VWF: variants seen among roughly 807,000 people sequenced by gnomAD.
VWF encodes the protein von Willebrand factor, also known as Factor VIII related antigen.
Under a neutral mutation model 308.6 loss-of-function variants are expected in VWF, and 176 were observed. That is an observed-to-expected ratio of 0.57 (90% CI 0.50 to 0.65). The LOEUF is 0.65. Among genes scored for constraint, VWF ranks in the 30% least tolerant of loss-of-function variants. The pLI is 0.00. For synonymous variants in VWF, 1,385 were observed against 1,443.4 expected (o/e 0.96, Z 0.92); for missense variants, 3,146 against 3,648.2 (o/e 0.86, Z 3.55).
intron 34 of VWF, among the ~76,000 whole-genome samples, chr12:6,010,912 G>T (rs1943986077): frequency 6.6e-6 from 1 of 151,984 alleles, no homozygotes; most frequent in African/African-American, 2.4e-5. Context: ...AATTCTTTAT[G>T]AATAAACAGA....
At chr12:6,124,387 A>C (rs964035884) in intron 1 of VWF, 34 bp downstream of exon 1, 48 of 152,240 alleles carry the variant, frequency 3.2e-4, no homozygotes, top group African/African-American at 1.2e-3. Context: ...TCTTCCTCCC[A>C]CAACTGAGCC....
chr12:6,006,356 A>G (rs913528831), intron 34 of VWF, among the ~76,000 whole-genome samples: 2 of 152,242 alleles, frequency 1.3e-5, no homozygotes, highest in Non-Finnish European at 2.9e-5. Flanking sequence ...CAAAAAAGCT[A>G]CAAGACTGAC....
chr12:6,068,815 TCC>T lies in VWF; in HGVS notation c.1156+2480_1156+2481del, dbSNP rs372746246. On this transcript the variant is annotated intron_variant, in intron 10 of 51. Coordinates refer to ENST00000261405, the MANE Select transcript of VWF (RefSeq NM_000552.5). ...AAGATGCATTTTTTTTTCTTTTTCTTCCTTTTTTTTTTTTTTTTGCGTGTGTG... is the reference window on the plus strand; with the variant it reads ...AAGATGCATTTTTTTTTCTTTTTCTTTTTTTTTTTTTTTTTTGCGTGTGTG... Among the ~76,000 whole-genome samples the T allele has an allele frequency of 1.1e-3, 143 of 134,910 alleles. 1 individual carries two copies. The highest frequency in any genetic ancestry group is 4.3e-3 in the African/African-American group (131 of 30,346). The allele number at this position is 134,910 out of a possible 152,430, so 88.5% of individuals were successfully genotyped here.
chr12:6,040,271 T>C (rs763282696), intron 18 of VWF, among the ~76,000 whole-genome samples: 17 of 152,092 alleles, frequency 1.1e-4, no homozygotes, highest in Admixed American at 2.6e-4. Context: ...GCTCCAAGAA[T>C]TTCTGAACTA....
rs1944110702 is a variant in VWF, at chr12:6,019,806, T to C, written c.3675-63A>G. 1 of 1,524,610 alleles carries C rather than the reference T, an allele frequency of 6.6e-7. No homozygotes were observed. Among genetic ancestry groups the C allele is most frequent in the African/African-American group, 1.4e-5 (1 of 73,268 alleles). 94.4% of individuals were successfully genotyped at this position (1,524,610 alleles called of 1,614,324 possible). A position where few individuals can be genotyped will look rare whatever the true frequency, so the allele number is the denominator to read the frequency against. On this transcript the variant is annotated intron_variant, in intron 27 of 51. Transcript: ENST00000261405. The surrounding 1 kb of genome is among the most constrained non-coding windows in gnomAD (Gnocchi z 5.8). The stretch of plus-strand genomic sequence containing the variant: ...AGAACCTGTGGACACTTCTGAGCCC[T>C]ACAGTGTACAATGACTTCCATATTC...
chr12:6,044,695 T>C (rs181488826), intron 17 of VWF, among the ~76,000 whole-genome samples: 1 of 152,332 alleles, frequency 6.6e-6, no homozygotes, highest in Non-Finnish European at 1.5e-5. Flanking sequence ...TCTCATCTAA[T>C]GTCCCATACT....
intron 20 of VWF, among the ~76,000 whole-genome samples, chr12:6,033,448 C>T (rs1311042619): frequency 6.6e-6 from 1 of 152,238 alleles, no homozygotes; most frequent in Non-Finnish European, 1.5e-5. Context: ...TGCTGACCAG[C>T]TGTCTGGTCC....
Position 5,952,518 on chromosome 12 carries a change from C to T in VWF, c.7988G>A (p.Arg2663His), listed in dbSNP as rs149834874. The change falls in exon 49 of 52, where the codon CGT becomes CAT. Residue 2663 changes from arginine to histidine, a missense_variant and splice_region_variant. Physicochemically the swap from Arg to His is conservative, Grantham distance 29. Coordinates refer to ENST00000261405, the MANE Select transcript of VWF (RefSeq NM_000552.5). ...LRGGQIMTLK[R>H]DETLQDGCDT... ...ACAGCCATCCTGGAGCGTCTCATCA[C>T]GCTGGAAGGAAAGAGGAGTGGGTAA... is the stretch of plus-strand genomic sequence containing the variant. 30 of 1,613,500 alleles carry T rather than the reference C, an allele frequency of 1.9e-5. No homozygotes were observed. Among genetic ancestry groups the T allele is most frequent in the African/African-American group, 2.7e-5 (2 of 74,894 alleles).
At chr12:6,029,167 T>C (rs1010847916) in intron 22 of VWF, among the ~76,000 whole-genome samples, 175 bp downstream of exon 22, 1 of 151,534 alleles carries the variant, frequency 6.6e-6, no homozygotes, top group African/African-American at 2.4e-5. Context: ...AGAAGGCCAT[T>C]ACATAATGGT....
rs764001779 is a variant in VWF at position 6,011,641 on chromosome 12, A to G, written c.5818T>C (p.Cys1940Arg). 19 of 1,612,042 alleles carry G rather than the reference A, an allele frequency of 1.2e-5. No individual in the cohort carries two copies. The highest frequency in any genetic ancestry group is 1.6e-5 in the Non-Finnish European group (19 of 1,179,458). ...CAGGGGCAGGTCCAGCGGCAGCCACAGGTCTCTTCCACTTTAACAGGGGAC... is the reference window on the plus strand; with the variant it reads ...CAGGGGCAGGTCCAGCGGCAGCCACGGGTCTCTTCCACTTTAACAGGGGAC... ...SQSPVKVEET[C>R]GCRWTCPCVC... Residue 1940 changes from cysteine to arginine, a missense_variant, in exon 34 of 52, where the codon TGT becomes CGT. Around this residue, in one of 3 missense-constraint regions of VWF, gnomAD observed 853 missense variants for 1,177.8 expected, o/e 0.72. Transcript: ENST00000261405.
chr12:5,985,806 A>T, intron 38 of VWF, 141 bp from the exon 39 acceptor site: 1 of 797,436 alleles, frequency 1.3e-6, no homozygotes, highest in South Asian at 1.5e-5. Flanking sequence ...GGCAAACAAA[A>T]GCAGGCTGAA....
chr12:6,052,586 T>G lies in VWF; in HGVS notation c.2143A>C (p.Ile715Leu). Residue 715 changes from isoleucine (I) to leucine (L), a missense_variant, in exon 16 of 52, where the codon ATC becomes CTC. Around this residue, in one of 3 missense-constraint regions of VWF, gnomAD observed 1,304 missense variants for 1,353.0 expected, o/e 0.96. Coordinates refer to ENST00000261405, the MANE Select transcript of VWF (RefSeq NM_000552.5). ...GAGAAGATGTCTTCTGGCTGGAAGA[T>G]CTCACCGTCATAGTAACAGGGGCAC... ...AQCPCYYDGE[I>L]FQPEDIFSDH... 2.5e-6 allele frequency: 4 copies of G among 1,614,226 alleles called. No homozygotes were observed. The highest frequency in any genetic ancestry group is 3.4e-6 in the Non-Finnish European group (4 of 1,180,046).
At chr12:6,042,027 T>C (rs1198314461) in intron 18 of VWF, among the ~76,000 whole-genome samples, 1 of 152,180 alleles carries the variant, frequency 6.6e-6, no homozygotes, top group Admixed American at 6.5e-5. Flanking sequence ...ACACATCTCC[T>C]TGGGGCCCAC....
Position 5,981,975 on chromosome 12 carries a change from C to T in VWF, c.7098G>A (p.Glu2366=). 1 of 1,613,724 alleles carries T rather than the reference C, an allele frequency of 6.2e-7. No individual in the cohort carries two copies. ...AGGAGGGTGGGGACACTCTTTTGCA[C>T]TCCTCCTTCCTGCAGGCTGAGGGTA... ...PNFTCACRKE[E]CKRVSPPSCP... is the part of the protein sequence containing the mutation. The change falls in exon 42 of 52, where the codon GAG becomes GAA. Residue 2366 remains glutamate (E), a synonymous_variant. Transcript: ENST00000261405.
chr12:6,027,380 G>T (rs1051727561), intron 22 of VWF, among the ~76,000 whole-genome samples: 2 of 152,134 alleles, frequency 1.3e-5, no homozygotes, highest in African/African-American at 2.4e-5. Flanking sequence ...TCTTCACAGG[G>T]CTCATCAGCC....
chr12:6,112,416 G>A (rs1217552869), intron 3 of VWF, among the ~76,000 whole-genome samples: 5 of 152,138 alleles, frequency 3.3e-5, no homozygotes, highest in Admixed American at 2.6e-4. Context: ...GACCCAGAAG[G>A]GAAAATAGAG....
Position 5,996,163 on chromosome 12 carries a change from G to A in VWF, c.5902C>T (p.Leu1968=), listed in dbSNP as rs1257457258. ...AGGACATAAGAACAGCTGCCAGTCA[G>A]CTTGAAATTCTGCCCATCAAAGGTC... ...IVTFDGQNFK[L]TGSCSYVLFQ... The change falls in exon 35 of 52, where the codon CTG becomes TTG. Residue 1968 remains leucine, a synonymous_variant. Transcript: ENST00000261405. 6.2e-7 allele frequency: 1 copy of A among 1,614,074 alleles called. No homozygotes were observed. Among genetic ancestry groups the A allele is most frequent in the East Asian group, 2.2e-5 (1 of 44,880 alleles).
In VWF at chr12:5,980,119, GAAGGAAGGAAGGAAGGAAGA is replaced by G. The variant is rs1213644740; in HGVS notation, c.7287+1647_7287+1666del. ...GGAAGGAAGGAAGGAAGGAAGGAAGGAAGGAAGGAAGGAAGGAAGAAAGGAGTGAGGGAGGGAGTGAGGGA... is the reference window on the plus strand; with the variant it reads ...GGAAGGAAGGAAGGAAGGAAGGAAGGAAGGAGTGAGGGAGGGAGTGAGGGA... On this transcript the variant is annotated intron_variant, in intron 42 of 51. Coordinates refer to ENST00000261405, the MANE Select transcript of VWF (RefSeq NM_000552.5). Among the ~76,000 whole-genome samples the G allele has an allele frequency of 8.7e-4, 108 of 123,904 alleles. 1 individual carries two copies. The highest frequency in any genetic ancestry group is 2.9e-3 in the African/African-American group (89 of 30,898). The allele number at this position is 123,904 out of a possible 152,430, so 81.3% of individuals were successfully genotyped here. A position where few individuals can be genotyped will look rare whatever the true frequency, so the allele number is the denominator to read the frequency against.
Position 6,018,588 on chromosome 12 carries a change from A to G in VWF, c.4830T>C (p.Asn1610=), listed in dbSNP as rs1170073526. The change falls in exon 28 of 52, where the codon AAT becomes AAC. Residue 1610 remains asparagine, a synonymous_variant. Transcript: ENST00000261405. ...GCCTCTTGATCTCATCAGAGGCAGGATTTCCGGTGACCATGTAGACCAGGT... is the reference window on the plus strand; with the variant it reads ...GCCTCTTGATCTCATCAGAGGCAGGGTTTCCGGTGACCATGTAGACCAGGT... ...APNLVYMVTG[N]PASDEIKRLP... is the part of the protein sequence containing the mutation. The G allele has an allele frequency of 1.9e-6, 3 of 1,613,980 alleles. No homozygotes were observed. Among genetic ancestry groups the G allele is most frequent in the Non-Finnish European group, 2.5e-6 (3 of 1,179,964 alleles).
Sources: allele counts gnomAD v4.1 joint callset (sites outside exome capture counted in the v4.1 genomes callset), GRCh38; gene constraint gnomAD v4.1.1; regional missense constraint gnomAD v4.1.1; non-coding constraint Gnocchi (gnomAD v3.1); transcripts MANE v1.5; gene names NCBI Gene and HGNC (gene_info 2026-07-23, HGNC 2026-07-21).